MAPK10: variants seen among roughly 807,000 people sequenced by gnomAD.
The protein encoded by MAPK10 is mitogen-activated protein kinase 10.
MAPK10 carries 25 observed loss-of-function variants against 59.3 expected under a neutral mutation model. The observed-to-expected ratio is 0.42, with a 90% confidence interval of 0.31 to 0.59. The LOEUF (loss-of-function observed/expected upper bound fraction) is 0.59. Among genes scored for constraint, MAPK10 ranks in the 20% least tolerant of loss-of-function variants. The probability of loss-of-function intolerance (pLI) is 0.15; values close to 1 mark genes in which losing one functional copy is unlikely to be tolerated. For synonymous variants in MAPK10, 190 were observed against 200.5 expected (o/e 0.95, Z 0.44); for missense variants, 351 against 568.9 (o/e 0.62, Z 3.90).
At chr4:86,151,902 T>C (rs1216663904) in intron 4 of MAPK10, 1 of 152,268 alleles carries the variant, frequency 6.6e-6, no homozygotes, top group Non-Finnish European at 1.5e-5. Context: ...AACTAAGTAT[T>C]TTGCAACTTA....
intron 1 of MAPK10, among the ~76,000 whole-genome samples, chr4:86,447,373 C>T (rs937132673): frequency 4.6e-5 from 7 of 152,064 alleles, no homozygotes; most frequent in African/African-American, 1.7e-4. Flanking sequence ...GAGAACTGTG[C>T]GTCAGTTAAA....
chr4:86,585,679 T>A (rs2149114672), intron 1 of MAPK10, among the ~76,000 whole-genome samples: 1 of 152,312 alleles, frequency 6.6e-6, no homozygotes, highest in Middle Eastern at 3.4e-3. Flanking sequence ...TAAGACAAAT[T>A]TCCCCTCTTC....
At chr4:86,184,265 T>C (rs1376268558) in intron 3 of MAPK10, among the ~76,000 whole-genome samples, 1 of 152,148 alleles carries the variant, frequency 6.6e-6, no homozygotes, top group African/African-American at 2.4e-5. Flanking sequence ...AGGGTTTTTA[T>C]GGTTTTATGT....
chr4:86,244,642 G>A (rs560456582), intron 2 of MAPK10, among the ~76,000 whole-genome samples: 2 of 152,266 alleles, frequency 1.3e-5, no homozygotes, highest in Admixed American at 6.5e-5. Context: ...AGTGGCTTAT[G>A]ATGCTTCCAG....
intron 11 of MAPK10, among the ~76,000 whole-genome samples, chr4:86,042,756 G>GAA (rs35588497): frequency 1.7e-4 from 25 of 150,596 alleles, no homozygotes; most frequent in African/African-American, 5.1e-4. Context: ...TATTTTATCA[G>GAA]AAAAAAAAGA....
intron 2 of MAPK10, among the ~76,000 whole-genome samples, chr4:86,322,449 T>G (rs2148895241): frequency 6.6e-6 from 1 of 152,200 alleles, no homozygotes; most frequent in Non-Finnish European, 1.5e-5. Flanking sequence ...AATTAATTGG[T>G]GAGGAGGAAG....
chr4:86,151,697 A>G (rs2066520093), intron 4 of MAPK10, among the ~76,000 whole-genome samples: 1 of 152,138 alleles, frequency 6.6e-6, no homozygotes, highest in South Asian at 2.1e-4. Flanking sequence ...TGAAAGAGAG[A>G]TGTCCATAAA....
At chr4:86,341,583 T>TCC (rs2148939375) in intron 2 of MAPK10, among the ~76,000 whole-genome samples, 1 of 152,268 alleles carries the variant, frequency 6.6e-6, no homozygotes, top group African/African-American at 2.4e-5. Flanking sequence ...CAGAATTAAG[T>TCC]ACTTGACTTG....
upstream of MAPK10, among the ~76,000 whole-genome samples, chr4:86,455,744 G>A (rs544588231): frequency 6.6e-6 from 1 of 152,212 alleles, no homozygotes; most frequent in Admixed American, 6.5e-5. Context: ...CACTAGACAG[G>A]ACATCAAGAC....
At chr4:86,585,171 G>A (rs539793369) in intron 1 of MAPK10, among the ~76,000 whole-genome samples, 21 of 152,162 alleles carry the variant, frequency 1.4e-4, no homozygotes, top group East Asian at 1.2e-3. Context: ...ATGGTATACC[G>A]TAATAACCAT....
chr4:86,387,878 TA>T (rs1741700370), intron 1 of MAPK10, among the ~76,000 whole-genome samples: 1 of 151,972 alleles, frequency 6.6e-6, no homozygotes, highest in African/African-American at 2.4e-5. Flanking sequence ...ACTACTTGAG[TA>T]TAACTAATGG....
rs886059680 is a variant in MAPK10, at chr4:86,354,625, T to C, written c.-102A>G. The C allele has an allele frequency of 4.1e-6, 5 of 1,228,476 alleles. No homozygotes were observed. The highest frequency in any genetic ancestry group is 3.2e-5 in the East Asian group (1 of 31,676). 76.1% of individuals were successfully genotyped at this position (1,228,476 alleles called of 1,614,324 possible). On this transcript the variant is annotated 5_prime_UTR_variant, in exon 2 of 14. Coordinates refer to ENST00000641462, the MANE Select transcript of MAPK10 (RefSeq NM_138982.4). ...GTGAAGATCTGAGATGGGCCTGCTG[T>C]TGGTGTTTCTCACACTAGCCTGAAA...
chr4:86,086,619 C>T (rs1393419719), intron 9 of MAPK10, among the ~76,000 whole-genome samples: 1 of 151,982 alleles, frequency 6.6e-6, no homozygotes, highest in African/African-American at 2.4e-5. Context: ...TTTGAGAATG[C>T]TTTTATATAA....
At chr4:86,407,489 T>C (rs1284427007) in intron 1 of MAPK10, among the ~76,000 whole-genome samples, 1 of 152,214 alleles carries the variant, frequency 6.6e-6, no homozygotes, top group African/African-American at 2.4e-5. Context: ...GGCTAGAATT[T>C]GAATCCAGTC....
At chr4:86,454,107 C>T (rs1751022525), upstream of MAPK10, among the ~76,000 whole-genome samples, 1 of 152,162 alleles carries the variant, frequency 6.6e-6, no homozygotes, top group South Asian at 2.1e-4. Flanking sequence ...ACAAAAGGAA[C>T]TGAACAACAG....
At chr4:86,121,075 C>A (rs754294156) in intron 4 of MAPK10, among the ~76,000 whole-genome samples, 1 of 152,192 alleles carries the variant, frequency 6.6e-6, no homozygotes, top group South Asian at 2.1e-4. Context: ...GGACCATCAG[C>A]ATCTATTTCA....
At chr4:86,552,644 T>C (rs898002683) in intron 1 of MAPK10, among the ~76,000 whole-genome samples, 5 of 152,278 alleles carry the variant, frequency 3.3e-5, no homozygotes, top group African/African-American at 1.2e-4. Context: ...TTCTGCACAT[T>C]GTGTGAGAAG....
At chr4:86,052,565 G>C (rs987517442) in intron 11 of MAPK10, among the ~76,000 whole-genome samples, 12 of 152,146 alleles carry the variant, frequency 7.9e-5, no homozygotes, top group African/African-American at 2.9e-4. Flanking sequence ...GCTGGGTAGT[G>C]AGCTCCTAAG....
intron 4 of MAPK10, among the ~76,000 whole-genome samples, chr4:86,109,768 G>C (rs1317369827): frequency 1.3e-5 from 2 of 152,190 alleles, no homozygotes; most frequent in Non-Finnish European, 1.5e-5. Flanking sequence ...GAATTGCTGG[G>C]TCAAATGATA....
Sources: gnomAD v4.1 joint callset for allele counts (sites outside exome capture counted in the v4.1 genomes callset) on GRCh38, gnomAD v4.1.1 for gene constraint, MANE v1.5 for transcripts, NCBI Gene and HGNC (gene_info 2026-07-23, HGNC 2026-07-21) for gene names.